ZNF69: variants seen among roughly 807,000 people sequenced by gnomAD.
ZNF69 encodes ZNF3.
A neutral mutation model predicts 50.9 loss-of-function variants in ZNF69; 47 were observed. That is an observed-to-expected ratio of 0.92 (90% confidence interval 0.73 to 1.18). ZNF69 has a LOEUF of 1.18. Among genes scored for constraint, ZNF69 ranks in the 50% most tolerant of loss-of-function variants. The pLI, the probability that ZNF69 is intolerant of heterozygous loss-of-function variation, is 0.00. For missense variants in ZNF69, 717 were observed against 675.1 expected (o/e 1.06, Z -0.69); for synonymous variants, 216 against 223.1 (o/e 0.97, Z 0.29).
the ZNF69 span, among the ~76,000 whole-genome samples, chr19:11,941,833 G>A: frequency 3.3e-5 from 5 of 152,222 alleles, no homozygotes; most frequent in African/African-American, 1.2e-4. Context: ...AGGGCTGTGA[G>A]GACTGCCAGC....
At chr19:11,949,933 A>T in the ZNF69 span, 19 of 1,613,586 alleles carry the variant, frequency 1.2e-5, no homozygotes, top group Admixed American at 2.8e-4. Context: ...AAACCTTCAG[A>T]TGCATGAAAG....
chr19:11,906,326 G>A lies in ZNF69; in HGVS notation c.*228G>A. ...CTGTCTGACAGCTTTGAAGAGAGTA[G>A]CAGTCCTCCCAGCATGGAGTTTGAG... is the stretch of plus-strand genomic sequence containing the variant. On this transcript the variant is annotated 3_prime_UTR_variant, in exon 4 of 4. Coordinates refer to ENST00000429654, the MANE Select transcript of ZNF69 (RefSeq NM_001364730.1). 8.0e-7 allele frequency: 1 copy of A among 1,245,370 alleles called. No homozygotes were observed. The allele number at this position is 1,245,370 out of a possible 1,614,324, so 77.1% of individuals were successfully genotyped here.
the ZNF69 span, chr19:11,965,035 C>T: frequency 1.4e-6 from 1 of 723,570 alleles, no homozygotes; most frequent in East Asian, 2.9e-5. Context: ...GAGTGGGTCG[C>T]ATTCCTGTCC....
the ZNF69 span, among the ~76,000 whole-genome samples, chr19:11,925,556 A>G: frequency 1.3e-5 from 2 of 152,090 alleles, no homozygotes; most frequent in East Asian, 3.9e-4. Flanking sequence ...GCGTCTCCCC[A>G]GATTGTGCGG....
At chr19:11,915,737 C>T (rs1045258310), downstream of ZNF69, among the ~76,000 whole-genome samples, 1 of 151,946 alleles carries the variant, frequency 6.6e-6, no homozygotes, top group East Asian at 1.9e-4. Context: ...AACTCCATCT[C>T]TACTAAAAAT....
In ZNF69 at chr19:11,894,124, C is replaced by T. The variant is rs146585416; in HGVS notation, c.63+6138C>T. Among the ~76,000 whole-genome samples, 6 of 152,292 alleles carry T rather than the reference C, an allele frequency of 3.9e-5. No homozygotes were observed. In the South Asian group the frequency reaches 6.2e-4, roughly 16 times the overall value. On this transcript the variant is annotated intron_variant, in intron 1 of 3. Coordinates refer to ENST00000429654, the MANE Select transcript of ZNF69 (RefSeq NM_001364730.1). ...TCAGAGAATCACCACCAGACACTCC[C>T]GTGTGAAAATTTGTATGCATCTCCT...
At chr19:11,961,624 T>C in the ZNF69 span, 1 of 149,332 alleles carries the variant, frequency 6.7e-6, no homozygotes, top group Non-Finnish European at 1.5e-5. Context: ...ACTTTCTTTT[T>C]CTTTTTCTGA....
the ZNF69 span, chr19:11,949,358 C>T: frequency 6.2e-7 from 1 of 1,613,590 alleles, no homozygotes; most frequent in South Asian, 1.1e-5. Flanking sequence ...GGAGAGAAAC[C>T]CTATGAATGT....
downstream of ZNF69, among the ~76,000 whole-genome samples, chr19:11,908,752 A>G (rs1174733055): frequency 6.6e-6 from 1 of 152,226 alleles, no homozygotes; most frequent in African/African-American, 2.4e-5. Context: ...TAACATCACA[A>G]TTAAAAGAAC....
the ZNF69 span, chr19:11,946,741 T>C: frequency 1.3e-5 from 2 of 154,522 alleles, no homozygotes; most frequent in East Asian, 1.9e-4. Flanking sequence ...AAATCCCTTT[T>C]TGAAATTTTT....
At chr19:11,936,301 C>T in the ZNF69 span, among the ~76,000 whole-genome samples, 1 of 152,196 alleles carries the variant, frequency 6.6e-6, no homozygotes, top group African/African-American at 2.4e-5. Context: ...TACAGTCCCA[C>T]CAACAGTGTA....
the ZNF69 span, among the ~76,000 whole-genome samples, chr19:11,950,964 A>G: frequency 5.3e-5 from 8 of 151,946 alleles, no homozygotes; most frequent in East Asian, 1.6e-3. Context: ...CATTCTGACC[A>G]ACGTGGTGAA....
chr19:11,947,100 G>A, the ZNF69 span: 3 of 1,546,670 alleles, frequency 1.9e-6, no homozygotes, highest in Admixed American at 6.7e-5. Flanking sequence ...ACAGCATCCT[G>A]AGAACTTCTT....
intron 1 of ZNF69, among the ~76,000 whole-genome samples, chr19:11,890,231 C>T (rs781078714): frequency 1.3e-5 from 2 of 152,188 alleles, no homozygotes; most frequent in Non-Finnish European, 2.9e-5. Flanking sequence ...TCCTTTCCCA[C>T]GAGGCCGGAT....
the ZNF69 span, chr19:11,948,724 T>C: frequency 6.2e-6 from 10 of 1,613,070 alleles, no homozygotes; most frequent in African/African-American, 8.0e-5. Context: ...CTTCCATTCT[T>C]TCAGTTTATA....
chr19:11,926,866 A>T, the ZNF69 span, among the ~76,000 whole-genome samples: 1 of 152,270 alleles, frequency 6.6e-6, no homozygotes, highest in Non-Finnish European at 1.5e-5. Context: ...ATTCAAGCGG[A>T]AGGATAGCAG....
the ZNF69 span, among the ~76,000 whole-genome samples, chr19:11,969,830 T>A: frequency 2.6e-5 from 4 of 152,218 alleles, no homozygotes; most frequent in African/African-American, 9.6e-5. Context: ...TTATCTTTCC[T>A]AGACACAGAC....
chr19:11,913,817 A>G (rs1315421997), exon 5 of ZNF69: 1 of 155,816 alleles, frequency 6.4e-6, no homozygotes, highest in Non-Finnish European at 1.4e-5. Context: ...AGTGATAAAT[A>G]TGACCAAAAG....
At chr19:11,916,326 C>G (rs1972521450), downstream of ZNF69, among the ~76,000 whole-genome samples, 1 of 151,886 alleles carries the variant, frequency 6.6e-6, no homozygotes, top group Admixed American at 6.6e-5. Context: ...GTCAAAAATT[C>G]AGGGGCCGCT....
Sources: gnomAD v4.1 joint callset for allele counts (sites outside exome capture counted in the v4.1 genomes callset) on GRCh38, gnomAD v4.1.1 for gene constraint, MANE v1.5 for transcripts, NCBI Gene and HGNC (gene_info 2026-07-23, HGNC 2026-07-21) for gene names.